Variants in UGT1A5 observed in about 807,000 individuals in gnomAD.
The protein encoded by UGT1A5 is UDP glucuronosyltransferase family 1 member A5.
In UGT1A5, 29 loss-of-function variants were observed where a neutral mutation model predicts 40.3. The ratio of observed to expected loss-of-function variants is 0.72; its 90% confidence interval spans 0.54 to 0.98. The LOEUF (loss-of-function observed/expected upper bound fraction) is 0.98, where lower values mean the gene tolerates loss of function less well. UGT1A5 is among the 50% of genes least tolerant of loss of function. The pLI, the probability that UGT1A5 is intolerant of heterozygous loss-of-function variation, is 0.00. For synonymous variants in UGT1A5, 257 were observed against 262.5 expected, an observed-to-expected ratio of 0.98 and a Z score of 0.20; for missense variants, 678 against 677.9, an observed-to-expected ratio of 1.00 and a Z score of 0.00.
At position 233,738,235 on chromosome 2, in the gene UGT1A5, C is replaced by G. The variant is rs190187890; in HGVS notation, c.867+24377C>G. 1.4e-4 allele frequency among the ~76,000 whole-genome samples: 21 copies of G among 152,332 alleles called. No individual in the cohort carries two copies. In the East Asian group the frequency reaches 3.3e-3, roughly 24 times the overall value. ...GGATTATAAGTTTCCTGAGGCCCCTCCAGCCACATGGAACTGGAGTCAATT... is the reference window on the plus strand; with the variant it reads ...GGATTATAAGTTTCCTGAGGCCCCTGCAGCCACATGGAACTGGAGTCAATT... On this transcript the variant is annotated intron_variant, in intron 1 of 4. Coordinates refer to ENST00000373414, the MANE Select transcript of UGT1A5 (RefSeq NM_019078.2).
chr2:233,740,352 A>G (rs2125828871), intron 1 of UGT1A5, among the ~76,000 whole-genome samples: 1 of 152,070 alleles, frequency 6.6e-6, no homozygotes, highest in South Asian at 2.1e-4. Flanking sequence ...AGAAAGTGGA[A>G]TTAGAAATTC....
At chr2:233,719,756 C>A in intron 1 of UGT1A5, 2 of 1,612,434 alleles carry the variant, frequency 1.2e-6, no homozygotes, top group Non-Finnish European at 1.7e-6. Context: ...TATTTACTTA[C>A]AAGTGCTTCC....
chr2:233,729,223 G>T, intron 1 of UGT1A5: 1 of 1,614,166 alleles, frequency 6.2e-7, no homozygotes, highest in Non-Finnish European at 8.5e-7. Context: ...AAAGGTGTTG[G>T]TGGTGCCCAT....
chr2:233,729,726 C>T, intron 1 of UGT1A5: 2 of 1,613,934 alleles, frequency 1.2e-6, no homozygotes, highest in African/African-American at 2.7e-5. Context: ...TACTAACAAC[C>T]AATTCAGACC....
intron 1 of UGT1A5, chr2:233,761,219 T>C: frequency 6.2e-7 from 1 of 1,613,544 alleles, no homozygotes; most frequent in South Asian, 1.1e-5. Flanking sequence ...ATCGATTAAC[T>C]AGCCCCAGAT....
At chr2:233,754,867 T>C (rs1330580019) in intron 1 of UGT1A5, 1 of 1,351,780 alleles carries the variant, frequency 7.4e-7, no homozygotes, top group South Asian at 1.1e-5. Context: ...GCAGACCCTC[T>C]GCTTCTGCTT....
chr2:233,765,861 A>G (rs1698967280), intron 1 of UGT1A5, among the ~76,000 whole-genome samples: 1 of 152,118 alleles, frequency 6.6e-6, no homozygotes, highest in African/African-American at 2.4e-5. Flanking sequence ...AGAGCATGTG[A>G]CAGCGGGAGG....
chr2:233,733,854 T>C (rs1332608655), intron 1 of UGT1A5, among the ~76,000 whole-genome samples: 1 of 152,088 alleles, frequency 6.6e-6, no homozygotes, highest in East Asian at 1.9e-4. Flanking sequence ...CTTTTTCTAT[T>C]GATTGGAATA....
chr2:233,760,383 G>A (rs1029837369), intron 1 of UGT1A5: 1 of 1,614,062 alleles, frequency 6.2e-7, no homozygotes, highest in African/African-American at 1.3e-5. Flanking sequence ...AGATACTGTT[G>A]ATCCCAGTGG....
intron 1 of UGT1A5, among the ~76,000 whole-genome samples, chr2:233,715,584 C>T (rs562671697): frequency 6.6e-6 from 1 of 151,992 alleles, no homozygotes; most frequent in Admixed American, 6.6e-5. Context: ...GCAGCCTGGG[C>T]AACATGCTGA....
intron 1 of UGT1A5, chr2:233,717,721 G>A: frequency 2.2e-6 from 1 of 454,902 alleles, no homozygotes; most frequent in South Asian, 1.6e-5. Context: ...TCATGGGCAT[G>A]AGACCATTGT....
chr2:233,738,894 A>C lies in UGT1A5; in HGVS notation c.867+25036A>C. ...TCCAGGGCATGTCAGAGACCTTTGC[A>C]GCAGACCCTCCCATCACAGGCCTGG... On this transcript the variant is annotated intron_variant, in intron 1 of 4. Transcript: ENST00000373414. 2 of 152,268 alleles carry C rather than the reference A, an allele frequency of 1.3e-5. 1 individual carries two copies. Among genetic ancestry groups the C allele is most frequent in the Non-Finnish European group, 2.9e-5 (2 of 68,064 alleles). 9.4% of individuals were successfully genotyped at this position (152,268 alleles called of 1,614,324 possible).
intron 1 of UGT1A5, among the ~76,000 whole-genome samples, chr2:233,752,940 A>T (rs1005921462): frequency 6.6e-6 from 1 of 152,226 alleles, no homozygotes; most frequent in African/African-American, 2.4e-5. Flanking sequence ...CTCTTTGCTG[A>T]CCACTGAACA....
At chr2:233,743,804 T>C (rs1692519610) in intron 1 of UGT1A5, 4 of 1,367,166 alleles carry the variant, frequency 2.9e-6, no homozygotes, top group Non-Finnish European at 2.9e-6. Context: ...TTCCTCCTTG[T>C]TCTCAGGGTT....
At chr2:233,719,439 T>C (rs2076766360) in intron 1 of UGT1A5, 1 of 1,613,970 alleles carries the variant, frequency 6.2e-7, no homozygotes, top group Non-Finnish European at 8.5e-7. Context: ...CCACATGACA[T>C]TCCTGCAAAG....
intron 1 of UGT1A5, chr2:233,756,147 T>C (rs1696132697): frequency 6.6e-6 from 1 of 152,212 alleles, no homozygotes; most frequent in Admixed American, 6.5e-5. Flanking sequence ...TTACTGGGGA[T>C]CCCTAGGATT....
rs950932071 is a variant in UGT1A5 at position 233,766,252 on chromosome 2, CGCTCAGTGGCCCGG to C, written c.868-777_868-764del. ...GGAAGGGTTTCCCCTGGAGTCAGAC[CGCTCAGTGGCCCGG>C]GCTCGGTGGCCCGGGCTCGGTGGCC... On this transcript the variant is annotated intron_variant, in intron 1 of 4. Coordinates refer to ENST00000373414, the MANE Select transcript of UGT1A5 (RefSeq NM_019078.2). 1.1e-4 allele frequency among the ~76,000 whole-genome samples: 17 copies of C among 151,626 alleles called. 1 individual carries two copies. The highest frequency in any genetic ancestry group is 3.4e-4 in the African/African-American group (14 of 41,194).
chr2:233,769,821 C>T lies in UGT1A5; in HGVS notation c.1307+1382C>T, dbSNP rs1699946575. 1.3e-6 allele frequency: 1 copy of T among 784,900 alleles called. No homozygotes were observed. 48.6% of individuals were successfully genotyped at this position (784,900 alleles called of 1,614,324 possible). A position where few individuals can be genotyped will look rare whatever the true frequency, so the allele number is the denominator to read the frequency against. The stretch of plus-strand genomic sequence containing the variant: ...TATGAGCCGTGATCATGCCACTGCA[C>T]TCCAGCAACCTGGGCAACAGAGTGA... On this transcript the variant is annotated intron_variant, in intron 4 of 4. Transcript: ENST00000373414. The surrounding 1 kb of genome is among the most constrained non-coding windows in gnomAD (Gnocchi z 4.4).
chr2:233,746,532 C>T (rs1693419043), intron 1 of UGT1A5, among the ~76,000 whole-genome samples: 1 of 151,756 alleles, frequency 6.6e-6, no homozygotes, highest in South Asian at 2.1e-4. Context: ...CATATTGCTG[C>T]CCTGCTGTGT....
Sources: allele counts gnomAD v4.1 joint callset (sites outside exome capture counted in the v4.1 genomes callset), GRCh38; gene constraint gnomAD v4.1.1; non-coding constraint Gnocchi (gnomAD v3.1); transcripts MANE v1.5; gene names NCBI Gene and HGNC (gene_info 2026-07-23, HGNC 2026-07-21).